The following LRRC7 variants were observed in gnomAD, a reference collection of about 807,000 sequenced individuals.
The protein encoded by LRRC7 is leucine-rich repeat-containing protein 7.
A neutral mutation model predicts 175.7 loss-of-function variants in LRRC7; 23 were observed. That is an observed-to-expected ratio of 0.13 (90% CI 0.09 to 0.19). The LOEUF (loss-of-function observed/expected upper bound fraction) is 0.19. Among genes scored for constraint, LRRC7 ranks in the 10% least tolerant of loss-of-function variants. The pLI is 1.00. For synonymous variants in LRRC7, 685 were observed against 680.9 expected (o/e 1.01, Z -0.09); for missense variants, 1,354 against 1,904.7 (o/e 0.71, Z 5.38).
At chr1:70,057,351 T>C (rs1179544042) in intron 23 of LRRC7, among the ~76,000 whole-genome samples, 1 of 152,178 alleles carries the variant, frequency 6.6e-6, no homozygotes, top group Non-Finnish European at 1.5e-5. Flanking sequence ...GGCTGCAAAA[T>C]TTACTGAAAT....
chr1:70,080,669 A>G (rs1347667519), intron 24 of LRRC7, among the ~76,000 whole-genome samples: 1 of 152,254 alleles, frequency 6.6e-6, no homozygotes, highest in Non-Finnish European at 1.5e-5. Flanking sequence ...TCTGTAGACT[A>G]TAAATCTGAC....
intron 23 of LRRC7, among the ~76,000 whole-genome samples, chr1:70,057,699 C>T (rs908301299): frequency 1.2e-4 from 19 of 152,178 alleles, no homozygotes; most frequent in Non-Finnish European, 2.6e-4. Context: ...GAACTTGTGG[C>T]TCTCTGTTCT....
chr1:69,569,113 GTCTCTT>G (rs1645626863), intron 1 of LRRC7, among the ~76,000 whole-genome samples: 2 of 151,892 alleles, frequency 1.3e-5, no homozygotes, highest in South Asian at 4.2e-4. Context: ...GGACGCACTT[GTCTCTT>G]TATCTTGGAA....
At chr1:69,695,086 T>C (rs1347656187) in intron 2 of LRRC7, among the ~76,000 whole-genome samples, 1 of 152,278 alleles carries the variant, frequency 6.6e-6, no homozygotes, top group South Asian at 2.1e-4. Context: ...TTGAAACTTT[T>C]GAGTGGCTTC....
intron 18 of LRRC7, among the ~76,000 whole-genome samples, chr1:70,030,721 AG>A (rs1356435028): frequency 2.6e-5 from 4 of 152,260 alleles, no homozygotes; most frequent in African/African-American, 9.6e-5. Context: ...CCCCAAAAAA[AG>A]AATAAAGGTA....
intron 7 of LRRC7, among the ~76,000 whole-genome samples, chr1:69,877,543 T>C (rs1266750483): frequency 6.6e-6 from 1 of 152,110 alleles, no homozygotes; most frequent in East Asian, 1.9e-4. Context: ...ATTTTAAGTG[T>C]ACAATTCAAT....
intron 23 of LRRC7, among the ~76,000 whole-genome samples, chr1:70,069,162 C>A (rs564755436): frequency 4.3e-4 from 66 of 151,958 alleles, no homozygotes; most frequent in Non-Finnish European, 9.1e-4. Flanking sequence ...GAAGAAATAC[C>A]CAACACTGGG....
intron 9 of LRRC7, among the ~76,000 whole-genome samples, chr1:69,985,180 C>T (rs12030875): frequency 0.062 from 9,401 of 152,166 alleles, 283 homozygotes; most frequent in South Asian, 0.11. Context: ...GAACTCCTTA[C>T]TGATAAAAAC....
chr1:69,596,498 A>T (rs940619528), intron 1 of LRRC7, among the ~76,000 whole-genome samples: 1 of 152,190 alleles, frequency 6.6e-6, no homozygotes, highest in Non-Finnish European at 1.5e-5. Flanking sequence ...AATTCTGATG[A>T]TAAACCACCT....
chr1:70,023,155 G>A lies in LRRC7; in HGVS notation c.1575G>A (p.Arg525=), dbSNP rs764309944. The stretch of plus-strand genomic sequence containing the variant: ...TCTCCTGCCAAGCCCCCTGGGAAAG[G>A]GGCCAGCGTGGGATTACTCTCCAAC... ...KDLSCQAPWE[R]GQRGITLQPA... is the part of the protein sequence containing the mutation. The change falls in exon 17 of 27, where the codon AGG becomes AGA. Residue 525 remains arginine (R), a synonymous_variant. Coordinates refer to ENST00000651989, the MANE Select transcript of LRRC7 (RefSeq NM_001370785.2). 4 of 1,455,024 alleles carry A rather than the reference G, an allele frequency of 2.7e-6. No homozygotes were observed. Among genetic ancestry groups the A allele is most frequent in the East Asian group, 5.1e-5 (2 of 39,386 alleles). 90.1% of individuals were successfully genotyped at this position (1,455,024 alleles called of 1,614,324 possible). A position where few individuals can be genotyped will look rare whatever the true frequency, so the allele number is the denominator to read the frequency against.
intron 3 of LRRC7, among the ~76,000 whole-genome samples, chr1:69,777,136 G>A (rs183756966): frequency 6.6e-6 from 1 of 152,226 alleles, no homozygotes; most frequent in East Asian, 1.9e-4. Context: ...ATGGAACACT[G>A]CCAGCAGCCT....
At chr1:69,641,571 T>C (rs1389051582) in intron 1 of LRRC7, among the ~76,000 whole-genome samples, 1 of 151,640 alleles carries the variant, frequency 6.6e-6, no homozygotes, top group Non-Finnish European at 1.5e-5. Context: ...TGTATGCATA[T>C]TTTTATTCCT....
At chr1:69,685,489 A>G (rs925681170) in intron 2 of LRRC7, among the ~76,000 whole-genome samples, 4 of 152,154 alleles carry the variant, frequency 2.6e-5, no homozygotes, top group African/African-American at 9.7e-5. Flanking sequence ...TCTTGAAACA[A>G]GTGAAGAAAA....
chr1:69,628,794 T>G (rs1239789577), intron 1 of LRRC7, among the ~76,000 whole-genome samples: 1 of 152,118 alleles, frequency 6.6e-6, no homozygotes, highest in Admixed American at 6.6e-5. Flanking sequence ...TGGAACAGAA[T>G]AGAAAGCTCA....
chr1:69,867,224 T>C (rs774830323), intron 7 of LRRC7, among the ~76,000 whole-genome samples: 2 of 152,220 alleles, frequency 1.3e-5, no homozygotes, highest in Non-Finnish European at 2.9e-5. Context: ...AGACATGTTA[T>C]ATATTTTTAG....
rs868529193 is a variant in LRRC7 at position 69,781,688 on chromosome 1, G to A, written c.304-10355G>A. On this transcript the variant is annotated intron_variant, in intron 3 of 26. Transcript: ENST00000651989. ...CAGAGCAAGACTGTCTCAAAAAAAA[G>A]AAGAAAGAAAGAAAGAAAGAAAGAA... Among the ~76,000 whole-genome samples the A allele has an allele frequency of 5.7e-3, 248 of 43,856 alleles. 2 individuals carry two copies. Among genetic ancestry groups the A allele is most frequent in the African/African-American group, 0.029 (233 of 7,960 alleles). 28.8% of individuals were successfully genotyped at this position (43,856 alleles called of 152,430 possible).
rs139483952 is a variant in LRRC7 at position 70,107,598 on chromosome 1, T to C, written c.4546-154T>C. 1.7e-3 allele frequency among the ~76,000 whole-genome samples: 252 copies of C among 152,336 alleles called. 3 individuals are homozygous for C. Among genetic ancestry groups the C allele is most frequent in the African/African-American group, 5.8e-3 (241 of 41,586 alleles). Reference sequence around the variant, plus strand: ...CTCTTAAACTTGACTTGGAGAGTGCTGCCTTGCTTAAAATACTATAATATT... The same window carrying C: ...CTCTTAAACTTGACTTGGAGAGTGCCGCCTTGCTTAAAATACTATAATATT... On this transcript the variant is annotated intron_variant, in intron 25 of 26. Transcript: ENST00000651989.
At position 70,036,541 on chromosome 1, in the gene LRRC7, A is replaced by G. The variant is rs371349476; in HGVS notation, c.2205A>G (p.Ser735=). The G allele has an allele frequency of 2.5e-6, 4 of 1,613,980 alleles. No individual in the cohort carries two copies. The African/African-American group carries it at 5.3e-5, about 22-fold the overall frequency. ...YSDYSPSQAS[S]GSSNTRVKVG... ...ACTACTCGCCTTCCCAGGCTTCCTC[A>G]GGATCCTCTAATACCCGGGTTAAAG... Residue 735 remains serine, a synonymous_variant, in exon 20 of 27, where the codon TCA becomes TCG. Transcript: ENST00000651989.
chr1:69,796,665 ACGCCTATAATC>A (rs1272582637), intron 4 of LRRC7, among the ~76,000 whole-genome samples: 1 of 152,050 alleles, frequency 6.6e-6, no homozygotes, highest in Non-Finnish European at 1.5e-5. Context: ...ATGGTGGCAC[ACGCCTATAATC>A]CCATCTACTT....
Sources: gnomAD v4.1 joint callset for allele counts (sites outside exome capture counted in the v4.1 genomes callset) on GRCh38, gnomAD v4.1.1 for gene constraint, MANE v1.5 for transcripts, NCBI Gene and HGNC (gene_info 2026-07-23, HGNC 2026-07-21) for gene names.